LYPD6B: variants seen among roughly 807,000 people sequenced by gnomAD.
The protein encoded by LYPD6B is ly6/PLAUR domain-containing protein 6B.
A neutral mutation model predicts 22.8 loss-of-function variants in LYPD6B; 17 were observed. That is an observed-to-expected ratio of 0.75 (90% CI 0.51 to 1.12). The LOEUF (loss-of-function observed/expected upper bound fraction) is 1.12, where lower values mean the gene tolerates loss of function less well. Ranked by LOEUF, LYPD6B falls within the 50% of genes most tolerant of loss-of-function variation. The pLI, the probability that LYPD6B is intolerant of heterozygous loss-of-function variation, is 0.00. For missense variants in LYPD6B, 221 were observed against 258.3 expected (o/e 0.86, Z 0.99); for synonymous variants, 106 against 91.6 (o/e 1.16, Z -0.90).
chr2:149,109,416 GC>G (rs1246937617), intron 1 of LYPD6B, among the ~76,000 whole-genome samples: 3 of 152,030 alleles, frequency 2.0e-5, no homozygotes, highest in Non-Finnish European at 2.9e-5. Context: ...TGCACAATTT[GC>G]CCTTTTCTCT....
intron 3 of LYPD6B, among the ~76,000 whole-genome samples, chr2:149,166,878 C>T (rs926752058): frequency 1.6e-4 from 25 of 152,130 alleles, no homozygotes; most frequent in African/African-American, 5.8e-4. Context: ...CAGACTGCCC[C>T]GCCCCTTCCA....
At chr2:149,128,768 T>C (rs1051987028) in intron 1 of LYPD6B, among the ~76,000 whole-genome samples, 4 of 152,334 alleles carry the variant, frequency 2.6e-5, no homozygotes, top group African/African-American at 9.6e-5. Flanking sequence ...ACAGGATGCA[T>C]TGTAGAATGT....
chr2:149,168,702 C>T (rs886388470), intron 3 of LYPD6B, among the ~76,000 whole-genome samples: 2 of 152,206 alleles, frequency 1.3e-5, no homozygotes, highest in South Asian at 2.1e-4. Flanking sequence ...TATGTAACCA[C>T]CAGTGTGGTG....
At chr2:149,132,898 A>T (rs1229802145) in intron 2 of LYPD6B, among the ~76,000 whole-genome samples, 1 of 152,118 alleles carries the variant, frequency 6.6e-6, no homozygotes. Flanking sequence ...TTATTTAAAA[A>T]TTTTTTTCTA....
At chr2:149,065,997 C>T (rs760639655) in intron 1 of LYPD6B, among the ~76,000 whole-genome samples, 2 of 152,076 alleles carry the variant, frequency 1.3e-5, no homozygotes, top group Non-Finnish European at 2.9e-5. Flanking sequence ...CGAGTCTGAG[C>T]TACCGCACTC....
chr2:149,165,178 T>C (rs1332991361), intron 3 of LYPD6B, among the ~76,000 whole-genome samples: 1 of 152,136 alleles, frequency 6.6e-6, no homozygotes. Flanking sequence ...GACAGAACTT[T>C]CTGGCAAGAG....
At chr2:149,114,179 GA>G (rs959062144) in intron 1 of LYPD6B, among the ~76,000 whole-genome samples, 2 of 151,542 alleles carry the variant, frequency 1.3e-5, no homozygotes, top group East Asian at 1.9e-4. Flanking sequence ...TTTAAGAATT[GA>G]AAAAAAATAA....
At chr2:149,043,924 A>G (rs1294571573) in intron 1 of LYPD6B, among the ~76,000 whole-genome samples, 3 of 152,096 alleles carry the variant, frequency 2.0e-5, no homozygotes, top group African/African-American at 7.2e-5. Flanking sequence ...AGCTTTTGTC[A>G]CTAATCAATT....
At chr2:149,149,159 A>C (rs1339305967) in intron 2 of LYPD6B, among the ~76,000 whole-genome samples, 1 of 152,058 alleles carries the variant, frequency 6.6e-6, no homozygotes, top group Non-Finnish European at 1.5e-5. Flanking sequence ...TTGATGAAAA[A>C]ATAATTGCAG....
intron 2 of LYPD6B, among the ~76,000 whole-genome samples, chr2:149,138,139 A>G (rs902406763): frequency 9.2e-5 from 14 of 152,206 alleles, no homozygotes; most frequent in Non-Finnish European, 1.9e-4. Context: ...CTTTTTTAAA[A>G]AACACAAATT....
In LYPD6B at chr2:149,046,066, A is replaced by G. The variant is rs576596074; in HGVS notation, c.-67+7265A>G. ...TTCTTACTTCATGTATTTTGACTCT[A>G]TGTTGTTAAGTGCATACACATTTAG... On this transcript the variant is annotated intron_variant, in intron 1 of 6. Coordinates refer to ENST00000409642, the MANE Select transcript of LYPD6B (RefSeq NM_177964.5). 1.2e-3 allele frequency among the ~76,000 whole-genome samples: 183 copies of G among 152,098 alleles called. 1 individual carries two copies. Among genetic ancestry groups the G allele is most frequent in the African/African-American group, 3.3e-3 (137 of 41,512 alleles).
In LYPD6B at chr2:149,158,686, C is replaced by T. The variant is rs549610588; in HGVS notation, c.6-2078C>T. On this transcript the variant is annotated intron_variant, in intron 2 of 6. Transcript: ENST00000409642. ...TTAAAATGATAAACTTTTCATTATG[C>T]TCGTTTTACCATAATAAAAAAGTTT... 4.6e-5 allele frequency among the ~76,000 whole-genome samples: 7 copies of T among 152,308 alleles called. No homozygotes were observed. The South Asian group carries it at 1.4e-3, about 32-fold the overall frequency.
intron 1 of LYPD6B, 48 bp downstream of exon 1, chr2:149,038,849 G>T (rs1228097159): frequency 6.6e-6 from 1 of 150,390 alleles, no homozygotes; most frequent in East Asian, 1.9e-4. Context: ...GGTTCGGGAC[G>T]GCTCACCCCG....
At chr2:149,088,036 C>T (rs529257776) in intron 1 of LYPD6B, among the ~76,000 whole-genome samples, 17 of 152,196 alleles carry the variant, frequency 1.1e-4, no homozygotes, top group African/African-American at 4.1e-4. Context: ...ATTCGGCCTT[C>T]ATAAACACAG....
chr2:149,087,699 CG>C (rs1558990188), intron 1 of LYPD6B, among the ~76,000 whole-genome samples: 1 of 152,122 alleles, frequency 6.6e-6, no homozygotes, highest in Non-Finnish European at 1.5e-5. Context: ...CTAGCAGAAT[CG>C]GGACCTGGTG....
At chr2:149,171,469 T>C (rs1218359540) in intron 3 of LYPD6B, among the ~76,000 whole-genome samples, 5 of 152,062 alleles carry the variant, frequency 3.3e-5, no homozygotes, top group African/African-American at 1.2e-4. Flanking sequence ...TTTTTATAAC[T>C]CAAGGATAGG....
chr2:149,081,427 A>G (rs987238071), intron 1 of LYPD6B, among the ~76,000 whole-genome samples: 3 of 152,210 alleles, frequency 2.0e-5, no homozygotes, highest in African/African-American at 7.2e-5. Flanking sequence ...CATATTTTGA[A>G]TTAAACTTTT....
At chr2:149,123,952 A>G (rs1444541716) in intron 1 of LYPD6B, among the ~76,000 whole-genome samples, 1 of 152,240 alleles carries the variant, frequency 6.6e-6, no homozygotes, top group East Asian at 1.9e-4. Context: ...ATTTAGCAGC[A>G]CATATTTAGG....
chr2:149,083,769 T>C (rs778554621), intron 1 of LYPD6B, among the ~76,000 whole-genome samples: 1 of 152,118 alleles, frequency 6.6e-6, no homozygotes, highest in Non-Finnish European at 1.5e-5. Flanking sequence ...GACTAGTGGA[T>C]CTTTCCGCTG....
Sources: allele counts gnomAD v4.1 joint callset (sites outside exome capture counted in the v4.1 genomes callset), GRCh38; gene constraint gnomAD v4.1.1; transcripts MANE v1.5; gene names NCBI Gene and HGNC (gene_info 2026-07-23, HGNC 2026-07-21).